Variants in ACSL4 observed in about 807,000 individuals in gnomAD.
ACSL4 encodes the protein acyl-CoA synthetase long chain family member 4, also known as long-chain-fatty-acid--CoA ligase 4.
In ACSL4, 9 loss-of-function variants were observed where a neutral mutation model predicts 49.1. The ratio of observed to expected loss-of-function variants is 0.18; its 90% CI spans 0.11 to 0.32. The LOEUF is 0.32. Ranked by LOEUF, ACSL4 falls within the 10% of genes least tolerant of loss-of-function variation. The pLI is 1.00. For synonymous variants in ACSL4, 191 were observed against 170.3 expected (o/e 1.12, Z -0.95); for missense variants, 333 against 493.7 (o/e 0.67, Z 3.08).
intron 1 of ACSL4, among the ~76,000 whole-genome samples, chrX:109,709,526 C>A (rs1926599426): frequency 8.9e-6 from 1 of 112,434 alleles, no homozygotes; most frequent in African/African-American, 3.2e-5. Flanking sequence ...GGTAAAATAT[C>A]ATTAAGTAAT....
intron 15 of ACSL4, among the ~76,000 whole-genome samples, chrX:109,647,701 C>CA (rs1428534077): frequency 7.2e-5 from 8 of 110,912 alleles, no homozygotes; most frequent in African/African-American, 2.3e-4. Context: ...AATAGAGACA[C>CA]AAAAAACCCT....
intron 9 of ACSL4, among the ~76,000 whole-genome samples, chrX:109,671,082 G>A (rs1923165125): frequency 9.0e-6 from 1 of 110,579 alleles, no homozygotes; most frequent in African/African-American, 3.3e-5. Context: ...CTGCCTGGCC[G>A]CCCATCGTCT....
rs759239872 is a variant in ACSL4 at position 109,682,850 on chromosome X, C to T, written c.275G>A (p.Arg92His). ...TCCACTACCAAAGTTATTCACTCTG[C>T]GATTCACTTCAAGATAGTTCATCCA... ...YKWMNYLEVNRRVNNFGSGLT... is the reference protein window; with the variant it reads ...YKWMNYLEVNHRVNNFGSGLT... Residue 92 changes from arginine to histidine, a missense_variant, in exon 4 of 16, where the codon CGC (arginine) becomes CAC (histidine). Transcript: ENST00000672401. The T allele has an allele frequency of 2.5e-6, 3 of 1,210,946 alleles. No homozygotes were observed. Among genetic ancestry groups the T allele is most frequent in the Non-Finnish European group, 3.4e-6 (3 of 894,863 alleles).
At chrX:109,672,146 A>G (rs991843700) in intron 9 of ACSL4, among the ~76,000 whole-genome samples, 1 of 107,009 alleles carries the variant, frequency 9.3e-6, no homozygotes, top group Non-Finnish European at 1.9e-5. Context: ...TGTTTTCTCC[A>G]TTTCCACAAA....
At chrX:109,694,792 G>A (rs1349448161) in intron 2 of ACSL4, among the ~76,000 whole-genome samples, 3 of 111,188 alleles carry the variant, frequency 2.7e-5, no homozygotes, top group African/African-American at 9.8e-5. Context: ...TCAACAATCG[G>A]GGACTATAGG....
chrX:109,699,857 G>A (rs756954670), intron 1 of ACSL4, among the ~76,000 whole-genome samples: 12 of 111,140 alleles, frequency 1.1e-4, no homozygotes, highest in African/African-American at 2.3e-4. Context: ...AAAAACTGTC[G>A]TAAGCCAGTC....
chrX:109,700,361 C>G (rs1925810104), intron 1 of ACSL4, among the ~76,000 whole-genome samples: 1 of 109,130 alleles, frequency 9.2e-6, no homozygotes, highest in Admixed American at 9.8e-5. Flanking sequence ...GAAAAACCAC[C>G]TCTCCACTAG....
rs536735162 is a variant in ACSL4 at position 109,721,618 on chromosome X, G to A, written c.-66+11521C>T. ...GTGGTAGTGCATGCCTGTAGTTCCA[G>A]CTACTCGGGAGGCTGAGGCAGGAGA... is the stretch of plus-strand genomic sequence containing the variant. On this transcript the variant is annotated intron_variant, in intron 1 of 15. Transcript: ENST00000672401. 9.9e-4 allele frequency among the ~76,000 whole-genome samples: 109 copies of A among 110,156 alleles called. No individual in the cohort carries two copies. The Middle Eastern group carries it at 0.014, about 14-fold the overall frequency.
intron 6 of ACSL4, among the ~76,000 whole-genome samples, chrX:109,679,560 T>G (rs1470123256): frequency 2.7e-5 from 3 of 112,145 alleles, no homozygotes; most frequent in Non-Finnish European, 5.6e-5. Context: ...ACCAAGCAAA[T>G]AAGGACTGCA....
chrX:109,670,775 G>A (rs1358295973), intron 9 of ACSL4, among the ~76,000 whole-genome samples: 5 of 110,941 alleles, frequency 4.5e-5, no homozygotes, highest in African/African-American at 1.6e-4. Flanking sequence ...GCAGGCGCGT[G>A]CCGCCACGCC....
chrX:109,649,173 T>G (rs1253835754), intron 15 of ACSL4, among the ~76,000 whole-genome samples: 1 of 111,377 alleles, frequency 9.0e-6, no homozygotes, highest in Non-Finnish European at 1.9e-5. Flanking sequence ...TGGAAAAAAC[T>G]ACTTTAAAGT....
intron 15 of ACSL4, among the ~76,000 whole-genome samples, chrX:109,649,307 G>A (rs1297870204): frequency 2.7e-5 from 3 of 111,631 alleles, no homozygotes; most frequent in African/African-American, 9.8e-5. Flanking sequence ...AAAACAGCAT[G>A]GTACTGGTAC....
chrX:109,729,798 A>G lies in ACSL4; in HGVS notation c.-66+3341T>C, dbSNP rs754981421. ...TGGAAAGGAACAAGCCATTGATAAA[A>G]GGTATATTCCTTGCACTAATCTCCA... is the stretch of plus-strand genomic sequence containing the variant. On this transcript the variant is annotated intron_variant, in intron 1 of 15. Transcript: ENST00000672401. 1.2e-4 allele frequency among the ~76,000 whole-genome samples: 14 copies of G among 112,639 alleles called. 3 individuals are homozygous for G. The South Asian group carries it at 1.4e-3, about 12-fold the overall frequency.
chrX:109,730,441 A>C (rs1451699629), intron 1 of ACSL4, among the ~76,000 whole-genome samples: 1 of 111,737 alleles, frequency 8.9e-6, no homozygotes, highest in African/African-American at 3.3e-5. Flanking sequence ...TGGAAACTTA[A>C]CTTCTCCAGA....
Position 109,661,580 on chromosome X carries a change from C to T in ACSL4, c.1648G>A (p.Ala550Thr). 8.3e-7 allele frequency: 1 copy of T among 1,209,533 alleles called. No individual in the cohort carries two copies. Among genetic ancestry groups the T allele is most frequent in the Admixed American group, 2.2e-5 (1 of 45,926 alleles). The stretch of plus-strand genomic sequence containing the variant: ...TCAATAAGTGGACAATTCTTCAGTG[C>T]AGCTTCTACTTTCCCAAGAGATACA... ...EYVSLGKVEA[A>T]LKNCPLIDNI... The change falls in exon 14 of 16, where the codon GCA becomes ACA. Residue 550 changes from alanine to threonine, a missense_variant. Physicochemically the swap from Ala to Thr is moderately conservative, Grantham distance 58. Transcript: ENST00000672401.
chrX:109,723,026 T>C (rs1927680390), intron 1 of ACSL4, among the ~76,000 whole-genome samples: 2 of 111,934 alleles, frequency 1.8e-5, no homozygotes, highest in African/African-American at 3.2e-5. Context: ...TTTATACTTA[T>C]ATTTTTGGTG....
At chrX:109,692,563 T>C (rs1925118839) in intron 2 of ACSL4, among the ~76,000 whole-genome samples, 1 of 111,630 alleles carries the variant, frequency 9.0e-6, no homozygotes, top group Non-Finnish European at 1.9e-5. Flanking sequence ...GTGATATGTG[T>C]TTAGAGAGCA....
chrX:109,716,126 T>G (rs1927101915), intron 1 of ACSL4, among the ~76,000 whole-genome samples: 1 of 111,652 alleles, frequency 9.0e-6, no homozygotes, highest in African/African-American at 3.3e-5. Flanking sequence ...AAATACTCAG[T>G]AAGTATATAC....
At chrX:109,645,304 CCAGCACG>C (rs1339596643) in intron 15 of ACSL4, among the ~76,000 whole-genome samples, 4 of 112,262 alleles carry the variant, frequency 3.6e-5, no homozygotes, top group African/African-American at 1.3e-4. Flanking sequence ...AGTGGTTCTC[CCAGCACG>C]CAGCTGGAGA....
Sources: allele counts gnomAD v4.1 joint callset (sites outside exome capture counted in the v4.1 genomes callset), GRCh38; gene constraint gnomAD v4.1.1; transcripts MANE v1.5; gene names NCBI Gene and HGNC (gene_info 2026-07-23, HGNC 2026-07-21).